ARHGAP6: variants seen among roughly 807,000 people sequenced by gnomAD.
The protein encoded by ARHGAP6 is Rho GTPase activating protein 6, also known as rho GTPase-activating protein 6.
In ARHGAP6, 16 loss-of-function variants were observed where a neutral mutation model predicts 55.7. The ratio of observed to expected loss-of-function variants is 0.29; its 90% CI spans 0.19 to 0.44. ARHGAP6 has a LOEUF of 0.44. Ranked by LOEUF, ARHGAP6 falls within the 20% of genes least tolerant of loss-of-function variation. The pLI is 1.00. For missense variants in ARHGAP6, 698 were observed against 808.9 expected (o/e 0.86, Z 1.66); for synonymous variants, 382 against 360.9 (o/e 1.06, Z -0.66).
At chrX:11,623,329 T>C (rs1569063042) in intron 1 of ARHGAP6, among the ~76,000 whole-genome samples, 1 of 111,200 alleles carries the variant, frequency 9.0e-6, no homozygotes, top group Non-Finnish European at 1.9e-5. Flanking sequence ...AAGCTATTTA[T>C]AATAGCTACC....
intron 2 of ARHGAP6, among the ~76,000 whole-genome samples, chrX:11,226,253 G>A (rs1252123730): frequency 1.9e-5 from 2 of 106,709 alleles, no homozygotes; most frequent in Non-Finnish European, 3.8e-5. Context: ...TTTGGTTTTC[G>A]TCCTTGCGAT....
chrX:11,451,010 C>T (rs990967004), intron 1 of ARHGAP6, among the ~76,000 whole-genome samples: 1 of 111,147 alleles, frequency 9.0e-6, no homozygotes, highest in Admixed American at 9.6e-5. Context: ...GGTGAGAGAC[C>T]CCAGCATTCC....
At chrX:11,395,155 G>T (rs1175169695) in intron 1 of ARHGAP6, among the ~76,000 whole-genome samples, 1 of 111,591 alleles carries the variant, frequency 9.0e-6, no homozygotes, top group East Asian at 2.8e-4. Context: ...TATGGACTTG[G>T]TTATCTCATT....
chrX:11,591,984 C>G (rs2051840601), intron 1 of ARHGAP6, among the ~76,000 whole-genome samples: 1 of 111,162 alleles, frequency 9.0e-6, no homozygotes, highest in Admixed American at 9.6e-5. Flanking sequence ...ACAGTAGGTT[C>G]CCCAAAAGTA....
chrX:11,407,310 T>C (rs1184073357), intron 1 of ARHGAP6, among the ~76,000 whole-genome samples: 1 of 112,166 alleles, frequency 8.9e-6, no homozygotes, highest in Non-Finnish European at 1.9e-5. Context: ...TTCATCCATG[T>C]GGGAGCGTGT....
intron 1 of ARHGAP6, chrX:11,427,566 C>A: frequency 1.1e-6 from 1 of 920,654 alleles, no homozygotes; most frequent in Non-Finnish European, 1.4e-6. Flanking sequence ...GCAGCTGGGG[C>A]TTCTCGCCGC....
chrX:11,570,148 T>C (rs1216918725), intron 1 of ARHGAP6, among the ~76,000 whole-genome samples: 1 of 111,515 alleles, frequency 9.0e-6, no homozygotes, highest in African/African-American at 3.3e-5. Flanking sequence ...ACATTAAATT[T>C]ATATCTATTT....
At chrX:11,600,504 C>T (rs906383145) in intron 1 of ARHGAP6, among the ~76,000 whole-genome samples, 1 of 112,383 alleles carries the variant, frequency 8.9e-6, no homozygotes, top group South Asian at 3.7e-4. Flanking sequence ...GCCTGCCTGC[C>T]GGGAACACCT....
chrX:11,658,828 G>A, intron 1 of ARHGAP6, among the ~76,000 whole-genome samples: 1 of 108,877 alleles, frequency 9.2e-6, no homozygotes, highest in Non-Finnish European at 1.9e-5. Flanking sequence ...CAGCACTATT[G>A]ACATTTTATG....
intron 2 of ARHGAP6, among the ~76,000 whole-genome samples, chrX:11,223,958 A>T (rs987262354): frequency 3.6e-5 from 4 of 112,048 alleles, no homozygotes; most frequent in Non-Finnish European, 7.5e-5. Context: ...TCAGAATGAC[A>T]GTAACTCATT....
At chrX:11,423,371 T>G (rs1206335750) in intron 1 of ARHGAP6, among the ~76,000 whole-genome samples, 1 of 112,787 alleles carries the variant, frequency 8.9e-6, no homozygotes, top group Non-Finnish European at 1.9e-5. Context: ...CGTGGAAACT[T>G]TCATAGTTTC....
intron 1 of ARHGAP6, among the ~76,000 whole-genome samples, chrX:11,451,295 A>G (rs183058753): frequency 5.7e-4 from 64 of 111,491 alleles, no homozygotes; most frequent in African/African-American, 2.0e-3. Context: ...TGTTATCACC[A>G]TGGCCTATAA....
Position 11,567,301 on chromosome X carries a change from C to A in ARHGAP6, c.588+96940G>T, listed in dbSNP as rs1412578659. On this transcript the variant is annotated intron_variant, in intron 1 of 12. Transcript: ENST00000337414. ...AAACCAACCGAGGTGTGTTATCACACAAGTTACTTCTGTGAGCAATTTGAT... is the reference window on the plus strand; with the variant it reads ...AAACCAACCGAGGTGTGTTATCACAAAAGTTACTTCTGTGAGCAATTTGAT... Among the ~76,000 whole-genome samples, 3 of 110,902 alleles carry A rather than the reference C, an allele frequency of 2.7e-5. No individual in the cohort carries two copies. The East Asian group carries it at 8.4e-4, about 31-fold the overall frequency.
chrX:11,328,287 G>A (rs2048521842), intron 1 of ARHGAP6, among the ~76,000 whole-genome samples: 1 of 112,132 alleles, frequency 8.9e-6, no homozygotes, highest in South Asian at 3.8e-4. Flanking sequence ...CCAGTGACTA[G>A]TGGACCAGCA....
chrX:11,380,598 G>A (rs2049251209), intron 1 of ARHGAP6, among the ~76,000 whole-genome samples: 1 of 111,981 alleles, frequency 8.9e-6, no homozygotes, highest in Non-Finnish European at 1.9e-5. Context: ...CAACCATGGA[G>A]TTTCTGGTTC....
intron 1 of ARHGAP6, among the ~76,000 whole-genome samples, chrX:11,547,717 C>T (rs2051225118): frequency 8.9e-6 from 1 of 112,107 alleles, no homozygotes; most frequent in South Asian, 3.7e-4. Context: ...AATTGCTCCA[C>T]CTCAATAAAA....
chrX:11,197,620 T>C (rs1332979504), intron 2 of ARHGAP6, among the ~76,000 whole-genome samples: 1 of 112,408 alleles, frequency 8.9e-6, no homozygotes, highest in African/African-American at 3.2e-5. Flanking sequence ...GGGAGTTCCA[T>C]GGTATAGCTA....
Position 11,349,061 on chromosome X carries a change from T to C in ARHGAP6, c.589-94354A>G, listed in dbSNP as rs5935022. ...TATTCCTGTTTTTTTTTTTTTTTGG[T>C]ATAATAGTGATAACAATGGGTTCCA... On this transcript the variant is annotated intron_variant, in intron 1 of 12. Transcript: ENST00000337414. Among the ~76,000 whole-genome samples the C allele has an allele frequency of 9.4e-5, 10 of 106,700 alleles. No individual in the cohort carries two copies. In the South Asian group the frequency reaches 4.2e-3, roughly 45 times the overall value. 92.7% of individuals were successfully genotyped at this position (106,700 alleles called of 115,157 possible). A position where few individuals can be genotyped will look rare whatever the true frequency, so the allele number is the denominator to read the frequency against.
chrX:11,171,992 T>C (rs1439997830), intron 8 of ARHGAP6, among the ~76,000 whole-genome samples: 1 of 112,078 alleles, frequency 8.9e-6, no homozygotes, highest in Non-Finnish European at 1.9e-5. Flanking sequence ...AGGATAAGTA[T>C]GGGAACTGCG....
Sources: gnomAD v4.1 joint callset for allele counts (sites outside exome capture counted in the v4.1 genomes callset) on GRCh38, gnomAD v4.1.1 for gene constraint, MANE v1.5 for transcripts, NCBI Gene and HGNC (gene_info 2026-07-23, HGNC 2026-07-21) for gene names.